Variants in CDH13 observed in about 807,000 individuals in gnomAD.
CDH13 encodes cadherin 13.
Under a neutral mutation model 63.8 loss-of-function variants are expected in CDH13, and 24 were observed. That is an observed-to-expected ratio of 0.38 (90% CI 0.27 to 0.53). The LOEUF is 0.53. Among genes scored for constraint, CDH13 ranks in the 20% least tolerant of loss-of-function variants. The probability of loss-of-function intolerance (pLI) is 0.85; values close to 1 mark genes in which losing one functional copy is unlikely to be tolerated. For missense variants in CDH13, 1,049 were observed against 903.1 expected (o/e 1.16, Z -2.07); for synonymous variants, 503 against 355.3 (o/e 1.42, Z -4.67).
At chr16:83,574,757 A>G (rs1294078612) in intron 7 of CDH13, among the ~76,000 whole-genome samples, 3 of 152,198 alleles carry the variant, frequency 2.0e-5, no homozygotes, top group Non-Finnish European at 4.4e-5. Context: ...CCATGTAACA[A>G]CAACTTTCTA....
chr16:83,534,235 G>C (rs1598240852), intron 7 of CDH13, among the ~76,000 whole-genome samples: 2 of 152,198 alleles, frequency 1.3e-5, no homozygotes, highest in South Asian at 2.1e-4. Flanking sequence ...GCATTAGGAA[G>C]GTGGTCTGTT....
chr16:83,555,912 T>G (rs1409604126), intron 7 of CDH13, among the ~76,000 whole-genome samples: 4 of 152,176 alleles, frequency 2.6e-5, no homozygotes, highest in Admixed American at 6.5e-5. Context: ...TTCTTATGCT[T>G]TTTCAATGGG....
chr16:82,803,851 A>C (rs1272821674), intron 1 of CDH13, among the ~76,000 whole-genome samples: 1 of 152,224 alleles, frequency 6.6e-6, no homozygotes, highest in African/African-American at 2.4e-5. Flanking sequence ...GGTATAAAGC[A>C]TCAATTATAT....
At chr16:82,947,852 C>G (rs1046614093) in intron 2 of CDH13, among the ~76,000 whole-genome samples, 4 of 152,064 alleles carry the variant, frequency 2.6e-5, no homozygotes, top group Non-Finnish European at 4.4e-5. Context: ...AATGGAAACC[C>G]TGACAAGAAT....
chr16:83,056,142 A>G (rs2030904690), intron 3 of CDH13, among the ~76,000 whole-genome samples: 2 of 152,320 alleles, frequency 1.3e-5, no homozygotes, highest in Middle Eastern at 3.4e-3. Flanking sequence ...GCAAAGGAAA[A>G]CTACACGGAA....
At chr16:82,949,983 A>G (rs538787437) in intron 2 of CDH13, among the ~76,000 whole-genome samples, 6 of 152,158 alleles carry the variant, frequency 3.9e-5, no homozygotes, top group Non-Finnish European at 7.4e-5. Flanking sequence ...AGGAATTCAC[A>G]ATGGTTAGTA....
At chr16:83,726,366 G>C (rs1393358377) in intron 10 of CDH13, 1 of 132,718 alleles carries the variant, frequency 7.5e-6, no homozygotes, top group African/African-American at 2.8e-5. Flanking sequence ...CCCTAGATAG[G>C]GTCCATTCAT....
intron 6 of CDH13, among the ~76,000 whole-genome samples, chr16:83,465,352 A>C (rs1039138573): frequency 6.6e-6 from 1 of 152,210 alleles, no homozygotes. Flanking sequence ...TAAAATCTAT[A>C]GCAACGCCTA....
chr16:83,447,085 C>G (rs1380251253), intron 6 of CDH13, among the ~76,000 whole-genome samples: 1 of 85,476 alleles, frequency 1.2e-5, no homozygotes, highest in Non-Finnish European at 2.6e-5. Flanking sequence ...CAAAAAACAC[C>G]TTATAGTAAC....
At chr16:82,656,156 G>A (rs573339648) in intron 1 of CDH13, among the ~76,000 whole-genome samples, 2 of 152,324 alleles carry the variant, frequency 1.3e-5, no homozygotes, top group South Asian at 4.1e-4. Flanking sequence ...TGAAAATCAT[G>A]TTGAAGATAG....
chr16:83,368,887 TATATATATATATATATATA>T lies in CDH13; in HGVS notation c.781+23882_781+23900del, dbSNP rs2091306188. 1.9e-3 allele frequency among the ~76,000 whole-genome samples: 73 copies of T among 37,990 alleles called. 8 individuals carry two copies. Among genetic ancestry groups the T allele is most frequent in the African/African-American group, 2.4e-3 (11 of 4,658 alleles). 24.9% of individuals were successfully genotyped at this position (37,990 alleles called of 152,430 possible). A position where few individuals can be genotyped will look rare whatever the true frequency, so the allele number is the denominator to read the frequency against. ...GGCTGAGTAGTAGTATTCCATGTTA[TATATATATATATATATATA>T]TATATATATATATATATATATATAT... On this transcript the variant is annotated intron_variant, in intron 6 of 13. Coordinates refer to ENST00000567109, the MANE Select transcript of CDH13 (RefSeq NM_001257.5).
At chr16:82,884,114 T>C (rs1401780904) in intron 2 of CDH13, 4 of 449,736 alleles carry the variant, frequency 8.9e-6, no homozygotes, top group Non-Finnish European at 1.8e-5. Flanking sequence ...AATACAAATA[T>C]TGTTGATTGA....
At chr16:82,768,859 G>A (rs181047692) in intron 1 of CDH13, among the ~76,000 whole-genome samples, 6 of 152,134 alleles carry the variant, frequency 3.9e-5, no homozygotes, top group African/African-American at 9.7e-5. Flanking sequence ...TTCTGTGTCC[G>A]CAGGCTCCCT....
intron 1 of CDH13, among the ~76,000 whole-genome samples, chr16:82,828,343 T>A (rs974820779): frequency 6.6e-6 from 1 of 151,960 alleles, no homozygotes; most frequent in Non-Finnish European, 1.5e-5. Context: ...TCTGGCCGAG[T>A]GTGGTGGCTC....
intron 4 of CDH13, among the ~76,000 whole-genome samples, chr16:83,153,916 A>T (rs2037097182): frequency 6.6e-6 from 1 of 152,204 alleles, no homozygotes; most frequent in Non-Finnish European, 1.5e-5. Context: ...AGAGATGGGC[A>T]GGAGTAGGGA....
intron 6 of CDH13, among the ~76,000 whole-genome samples, chr16:83,402,361 C>T (rs2091981605): frequency 1.3e-5 from 2 of 152,226 alleles, no homozygotes; most frequent in Middle Eastern, 3.4e-3. Flanking sequence ...GATTCACCTT[C>T]AGTATAGCTC....
intron 5 of CDH13, among the ~76,000 whole-genome samples, chr16:83,271,321 G>A (rs763047173): frequency 6.8e-6 from 1 of 147,484 alleles, no homozygotes; most frequent in South Asian, 2.2e-4. Context: ...GATCAGGGCA[G>A]ATCCCAGGCT....
chr16:83,520,804 A>G (rs1343165108), intron 7 of CDH13, among the ~76,000 whole-genome samples: 1 of 152,098 alleles, frequency 6.6e-6, no homozygotes, highest in Non-Finnish European at 1.5e-5. Context: ...GTGCTGAGGG[A>G]CACCAGCCAG....
intron 8 of CDH13, among the ~76,000 whole-genome samples, chr16:83,608,245 A>G (rs6563946): frequency 0.022 from 3,319 of 152,330 alleles, 114 homozygotes; most frequent in African/African-American, 0.074. Context: ...CATAAAACTT[A>G]TAAGATCCTG....
Sources: gnomAD v4.1 joint callset for allele counts (sites outside exome capture counted in the v4.1 genomes callset) on GRCh38, gnomAD v4.1.1 for gene constraint, MANE v1.5 for transcripts, NCBI Gene and HGNC (gene_info 2026-07-23, HGNC 2026-07-21) for gene names.